NDUFB10: variants seen among roughly 807,000 people sequenced by gnomAD.
NDUFB10 encodes NADH dehydrogenase [ubiquinone] 1 beta subcomplex subunit 10.
Under a neutral mutation model 19.0 loss-of-function variants are expected in NDUFB10, and 23 were observed. That is an observed-to-expected ratio of 1.21 (90% CI 0.87 to 1.71). The LOEUF is 1.71. Ranked by LOEUF, NDUFB10 falls within the 40% of genes most tolerant of loss-of-function variation. The pLI is 0.00. For synonymous variants in NDUFB10, 104 were observed against 81.8 expected, an observed-to-expected ratio of 1.27 and a Z score of -1.46; for missense variants, 312 against 230.6, an observed-to-expected ratio of 1.35 and a Z score of -2.29.
chr16:1,960,643 C>G (rs2083247923), intron 1 of NDUFB10, among the ~76,000 whole-genome samples: 1 of 152,240 alleles, frequency 6.6e-6, no homozygotes, highest in South Asian at 2.1e-4. Context: ...GGACCCAGCT[C>G]CCTCTCTTTT....
At position 1,961,920 on chromosome 16, in the gene NDUFB10, G is replaced by A. The variant is rs1222349903; in HGVS notation, c.*14G>A. On this transcript the variant is annotated 3_prime_UTR_variant, in exon 4 of 4. Transcript: ENST00000268668. ...GCCACCTCCTGAGGCAGCTGTGGGT[G>A]CCCCTGCTGTGTGGCTCTGTATGAC... 2 of 1,551,160 alleles carry A rather than the reference G, an allele frequency of 1.3e-6. No individual in the cohort carries two copies. Among genetic ancestry groups the A allele is most frequent in the South Asian group, 1.2e-5 (1 of 84,368 alleles).
intron 3 of NDUFB10, 58 bp from the exon 4 acceptor site, chr16:1,961,739 G>A (rs946644079): frequency 1.4e-6 from 2 of 1,461,140 alleles, no homozygotes; most frequent in East Asian, 2.9e-5. Flanking sequence ...ACTTGACTTT[G>A]CCCCCTTTGC....
rs148320335 is a variant in NDUFB10 at position 1,960,280 on chromosome 16, C to T, written c.130+526C>T. ...TGTTGCCCAGGCTGGAGTGCAGTGG[C>T]GCGATCTCGGCTCACTGCAACCTCT... On this transcript the variant is annotated intron_variant, in intron 1 of 3. Transcript: ENST00000268668. Among the ~76,000 whole-genome samples, 833 of 151,584 alleles carry T rather than the reference C, an allele frequency of 5.5e-3. 7 individuals are homozygous for T. Among genetic ancestry groups the T allele is most frequent in the African/African-American group, 0.019 (781 of 41,278 alleles).
intron 1 of NDUFB10, among the ~76,000 whole-genome samples, chr16:1,960,434 G>C (rs2083246196): frequency 6.6e-6 from 1 of 152,150 alleles, no homozygotes; most frequent in Non-Finnish European, 1.5e-5. Context: ...TGTTGGCCAG[G>C]CTGGTCTCGA....
Position 1,961,873 on chromosome 16 carries a change from A to G in NDUFB10, c.486A>G (p.Lys162=), listed in dbSNP as rs78924571. Residue 162 remains lysine (K), a synonymous_variant, in exon 4 of 4, where the codon AAA becomes AAG. Transcript: ENST00000268668. ...KQRQRMLQER[K]AAKEAAAATS is the part of the protein sequence containing the mutation. ...GGCAGAGGATGCTGCAAGAGAGAAA[A>G]GCTGCAAAAGAGGCCGCCGCTGCCA... 1.4e-3 allele frequency: 2,158 copies of G among 1,565,152 alleles called. 42 individuals carry two copies. The East Asian group carries it at 0.041, about 30-fold the overall frequency.
chr16:1,960,318 G>A (rs1344073754), intron 1 of NDUFB10, among the ~76,000 whole-genome samples: 3 of 152,078 alleles, frequency 2.0e-5, no homozygotes, highest in African/African-American at 7.2e-5. Context: ...CCCACCCCGG[G>A]TTCAAGCGAT....
chr16:1,961,659 ACCCCC>A (rs752185454), intron 3 of NDUFB10, 23 bp downstream of exon 3: 1 of 779,200 alleles, frequency 1.3e-6, no homozygotes, highest in South Asian at 1.4e-5. Context: ...CCCACCCCCA[ACCCCC>A]CACCATCCTC....
At chr16:1,961,108 G>A (rs1273615571) in intron 1 of NDUFB10, 45 bp from the exon 2 acceptor site, 2 of 1,608,222 alleles carry the variant, frequency 1.2e-6, no homozygotes, top group Middle Eastern at 2.0e-4. Context: ...CTAAAAGCCT[G>A]TCCAAACCGA....
intron 1 of NDUFB10, 42 bp downstream of exon 1, chr16:1,959,796 G>A (rs1239953285): frequency 1.9e-6 from 3 of 1,609,170 alleles, no homozygotes; most frequent in South Asian, 1.1e-5. Context: ...GGCCTCTGGG[G>A]ACCCCTGGAT....
In NDUFB10 at chr16:1,961,812, C is replaced by A; in HGVS notation, c.425C>A (p.Ala142Asp). ...GCTTCCCCAGATCAGGACCTGGGGGCCTACAGTTCTGCCAGGAAGTGCCTG... is the reference window on the plus strand; with the variant it reads ...GCTTCCCCAGATCAGGACCTGGGGGACTACAGTTCTGCCAGGAAGTGCCTG... Reference protein sequence around the residue: ...AYQDRYQDLGAYSSARKCLAK... With the variant: ...AYQDRYQDLGDYSSARKCLAK... Residue 142 changes from alanine to aspartate, a missense_variant, in exon 4 of 4, where the codon GCC (alanine) becomes GAC (aspartate). Coordinates refer to ENST00000268668, the MANE Select transcript of NDUFB10 (RefSeq NM_004548.3). 1 of 1,556,532 alleles carries A rather than the reference C, an allele frequency of 6.4e-7. No individual in the cohort carries two copies. The highest frequency in any genetic ancestry group is 8.7e-7 in the Non-Finnish European group (1 of 1,149,464).
chr16:1,961,679 G>T lies in NDUFB10; in HGVS notation c.409+43G>T, dbSNP rs1394220126. On this transcript the variant is annotated intron_variant, in intron 3 of 3. Transcript: ENST00000268668. ...CCCCAACCCCCCACCATCCTCCTGA[G>T]GCCTGGGGGCCAGAACCATTGCAAA... 2.8e-6 allele frequency: 4 copies of T among 1,453,804 alleles called. No individual in the cohort carries two copies. In the Admixed American group the frequency reaches 8.4e-5, roughly 30 times the overall value. The allele number at this position is 1,453,804 out of a possible 1,614,324, so 90.1% of individuals were successfully genotyped here.
chr16:1,959,907 C>T (rs963810785), intron 1 of NDUFB10, among the ~76,000 whole-genome samples, 153 bp downstream of exon 1: 2 of 151,824 alleles, frequency 1.3e-5, no homozygotes, highest in African/African-American at 4.8e-5. Context: ...CGGAGACCTC[C>T]GAGCTCCGTC....
rs2083252416 is a variant in NDUFB10 at position 1,961,257 on chromosome 16, A to G, written c.235A>G (p.Met79Val). The change falls in exon 2 of 4, where the codon ATG becomes GTG. Residue 79 changes from methionine to valine, a missense_variant. Coordinates refer to ENST00000268668, the MANE Select transcript of NDUFB10 (RefSeq NM_004548.3). ...TECKEEDIMC[M>V]YEAEMQWKRD... ...GTGCAAGGAGGAGGACATCATGTGC[A>G]TGTATGAAGCCGAAATGCAGTGGAA... 6.8e-6 allele frequency: 11 copies of G among 1,613,912 alleles called. No individual in the cohort carries two copies. Among genetic ancestry groups the G allele is most frequent in the Non-Finnish European group, 9.3e-6 (11 of 1,180,044 alleles).
Position 1,959,708 on chromosome 16 carries a change from G to T in NDUFB10, c.84G>T (p.Met28Ile). 2 of 1,613,454 alleles carry T rather than the reference G, an allele frequency of 1.2e-6. No individual in the cohort carries two copies. Among genetic ancestry groups the T allele is most frequent in the Non-Finnish European group, 8.5e-7 (1 of 1,179,770 alleles). Residue 28 changes from methionine (M) to isoleucine (I), a missense_variant, in exon 1 of 4, where the codon ATG becomes ATT. Coordinates refer to ENST00000268668, the MANE Select transcript of NDUFB10 (RefSeq NM_004548.3). ...AGCCCAATCCCATCGTCTACATGAT[G>T]AAAGCGTTCGACCTCATCGTGGACC... is the stretch of plus-strand genomic sequence containing the variant. ...PVQPNPIVYM[M>I]KAFDLIVDRP...
rs372422108 is a variant in NDUFB10, at chr16:1,961,926, G to T, written c.*20G>T. On this transcript the variant is annotated 3_prime_UTR_variant, in exon 4 of 4. Coordinates refer to ENST00000268668, the MANE Select transcript of NDUFB10 (RefSeq NM_004548.3). ...TCCTGAGGCAGCTGTGGGTGCCCCT[G>T]CTGTGTGGCTCTGTATGACTGTTGC... The T allele has an allele frequency of 1.8e-5, 28 of 1,545,728 alleles. No homozygotes were observed. Among genetic ancestry groups the T allele is most frequent in the Non-Finnish European group, 2.5e-5 (28 of 1,140,974 alleles).
chr16:1,960,804 A>G (rs2083248782), intron 1 of NDUFB10, among the ~76,000 whole-genome samples: 1 of 152,244 alleles, frequency 6.6e-6, no homozygotes, highest in East Asian at 1.9e-4. Flanking sequence ...CGCACCCAGC[A>G]GGGTCCCTGT....
In NDUFB10 at chr16:1,961,895, G is replaced by C; in HGVS notation, c.508G>C (p.Ala170Pro). Reference sequence around the variant, plus strand: ...AAAAGCTGCAAAAGAGGCCGCCGCTGCCACCTCCTGAGGCAGCTGTGGGTG... The same window carrying C: ...AAAAGCTGCAAAAGAGGCCGCCGCTCCCACCTCCTGAGGCAGCTGTGGGTG... ...ERKAAKEAAAATS is the reference protein window; with the variant it reads ...ERKAAKEAAAPTS Residue 170 changes from alanine to proline, a missense_variant, in exon 4 of 4, where the codon GCC becomes CCC. Coordinates refer to ENST00000268668, the MANE Select transcript of NDUFB10 (RefSeq NM_004548.3). 6.4e-7 allele frequency: 1 copy of C among 1,560,094 alleles called. No individual in the cohort carries two copies. The highest frequency in any genetic ancestry group is 8.7e-7 in the Non-Finnish European group (1 of 1,151,550).
At position 1,961,531 on chromosome 16, in the gene NDUFB10, G is replaced by T; in HGVS notation, c.304G>T (p.Asp102Tyr). The T allele has an allele frequency of 3.7e-6, 6 of 1,614,022 alleles. No homozygotes were observed. Among genetic ancestry groups the T allele is most frequent in the Non-Finnish European group, 5.1e-6 (6 of 1,180,012 alleles). Residue 102 changes from aspartate to tyrosine, a missense_variant, in exon 3 of 4, where the codon GAT becomes TAT. Coordinates refer to ENST00000268668, the MANE Select transcript of NDUFB10 (RefSeq NM_004548.3). ...VDQEIINIMQDRLKACQQREG... is the reference protein window; with the variant it reads ...VDQEIINIMQYRLKACQQREG... ...CCAAGAAATTATCAACATTATGCAG[G>T]ATCGGCTCAAAGCCTGTCAGCAGAG...
At position 1,959,711 on chromosome 16, in the gene NDUFB10, A is replaced by T. The variant is rs1486040862; in HGVS notation, c.87A>T (p.Lys29Asn). The T allele has an allele frequency of 6.2e-7, 1 of 1,613,354 alleles. No homozygotes were observed. The highest frequency in any genetic ancestry group is 8.5e-7 in the Non-Finnish European group (1 of 1,179,726). Residue 29 changes from lysine to asparagine, a missense_variant, in exon 1 of 4, where the codon AAA becomes AAT. Physicochemically the swap from Lys to Asn is moderately conservative, Grantham distance 94. Coordinates refer to ENST00000268668, the MANE Select transcript of NDUFB10 (RefSeq NM_004548.3). ...CCAATCCCATCGTCTACATGATGAA[A>T]GCGTTCGACCTCATCGTGGACCGAC... ...VQPNPIVYMM[K>N]AFDLIVDRPV...
Sources: allele counts gnomAD v4.1 joint callset (sites outside exome capture counted in the v4.1 genomes callset), GRCh38; gene constraint gnomAD v4.1.1; transcripts MANE v1.5; gene names NCBI Gene and HGNC (gene_info 2026-07-23, HGNC 2026-07-21).